GRID2: variants seen among roughly 807,000 people sequenced by gnomAD.
The protein encoded by GRID2 is glutamate ionotropic receptor delta type subunit 2, also known as glutamate receptor ionotropic, delta-2.
GRID2 carries 33 observed loss-of-function variants against 114.8 expected under a neutral mutation model. The ratio of observed to expected loss-of-function variants is 0.29; its 90% confidence interval spans 0.22 to 0.38. The LOEUF (loss-of-function observed/expected upper bound fraction) is 0.38, where lower values mean the gene tolerates loss of function less well. Among genes scored for constraint, GRID2 ranks in the 10% least tolerant of loss-of-function variants. The pLI is 1.00. For missense variants in GRID2, 1,184 were observed against 1,257.7 expected (o/e 0.94, Z 0.89); for synonymous variants, 505 against 449.9 (o/e 1.12, Z -1.55).
Position 93,238,471 on chromosome 4 carries a change from T to G in GRID2, c.1226T>G (p.Leu409Arg). Residue 409 changes from leucine (L) to arginine (R), a missense_variant, in exon 8 of 16, where the codon CTT (leucine) becomes CGT (arginine). This residue lies in a region of GRID2 where 717 missense variants were observed against 796.9 expected (regional missense o/e 0.90). Transcript: ENST00000282020. ...EILGTNYGEE[L>R]GRGVRKLGCW... ...CTTGGAACCAACTATGGAGAAGAGCTTGGCAGAGGTGTTCGAAAAGTAAGA... is the reference window on the plus strand; with the variant it reads ...CTTGGAACCAACTATGGAGAAGAGCGTGGCAGAGGTGTTCGAAAAGTAAGA... 6.2e-7 allele frequency: 1 copy of G among 1,610,052 alleles called. No homozygotes were observed. The highest frequency in any genetic ancestry group is 8.5e-7 in the Non-Finnish European group (1 of 1,177,016).
intron 2 of GRID2, among the ~76,000 whole-genome samples, chr4:92,757,669 T>G (rs1170759668): frequency 1.3e-5 from 2 of 151,740 alleles, no homozygotes. Context: ...TAAATTCAGC[T>G]CAAGAGCCAC....
intron 8 of GRID2, among the ~76,000 whole-genome samples, chr4:93,365,428 GT>G (rs998811351): frequency 2.5e-4 from 38 of 152,248 alleles, no homozygotes; most frequent in African/African-American, 8.7e-4. Context: ...CCATGTATAG[GT>G]TTTTGACAGA....
chr4:93,133,722 C>T (rs1016830418), intron 4 of GRID2, among the ~76,000 whole-genome samples: 1 of 152,042 alleles, frequency 6.6e-6, no homozygotes, highest in Non-Finnish European at 1.5e-5. Context: ...TGTCCTATTT[C>T]CCCTAATTAC....
intron 1 of GRID2, among the ~76,000 whole-genome samples, chr4:92,388,904 G>C (rs12386425): frequency 0.031 from 4,694 of 152,036 alleles, 242 homozygotes; most frequent in African/African-American, 0.11. Context: ...ATTAAAAAAA[G>C]GTTTTGTGGT....
chr4:92,880,147 C>T (rs1343668365), intron 2 of GRID2, among the ~76,000 whole-genome samples: 1 of 152,092 alleles, frequency 6.6e-6, no homozygotes, highest in African/African-American at 2.4e-5. Flanking sequence ...TATTCCCGTT[C>T]TGTGATAATG....
intron 13 of GRID2, among the ~76,000 whole-genome samples, chr4:93,612,309 A>G (rs1407909214): frequency 2.0e-5 from 3 of 150,988 alleles, no homozygotes; most frequent in Non-Finnish European, 3.0e-5. Context: ...TAGTCCATTT[A>G]CATTTAAAGT....
intron 1 of GRID2, among the ~76,000 whole-genome samples, chr4:92,333,662 G>C (rs993745098): frequency 2.6e-5 from 4 of 151,862 alleles, no homozygotes; most frequent in Non-Finnish European, 5.9e-5. Context: ...ACTATACATG[G>C]TTAAAACTAG....
chr4:93,071,602 A>G (rs952718250), intron 2 of GRID2, among the ~76,000 whole-genome samples: 2 of 152,138 alleles, frequency 1.3e-5, no homozygotes, highest in Non-Finnish European at 2.9e-5. Context: ...AATAAGATGA[A>G]GGAATATCTA....
At chr4:92,715,518 A>G (rs1057441695) in intron 2 of GRID2, among the ~76,000 whole-genome samples, 3 of 152,146 alleles carry the variant, frequency 2.0e-5, no homozygotes, top group East Asian at 1.9e-4. Context: ...GCTGATAAAG[A>G]CATACCCAAG....
At chr4:92,654,080 G>A (rs995075787) in intron 2 of GRID2, among the ~76,000 whole-genome samples, 1 of 152,050 alleles carries the variant, frequency 6.6e-6, no homozygotes, top group Non-Finnish European at 1.5e-5. Context: ...GGTAAATGCT[G>A]TATGTTTTAG....
At chr4:93,448,547 T>C (rs534867805) in intron 10 of GRID2, among the ~76,000 whole-genome samples, 2 of 152,044 alleles carry the variant, frequency 1.3e-5, no homozygotes, top group Admixed American at 1.3e-4. Context: ...GAAAACACTA[T>C]TAAGTTCCAT....
intron 1 of GRID2, among the ~76,000 whole-genome samples, chr4:92,451,393 A>G (rs1459383847): frequency 1.3e-5 from 2 of 152,304 alleles, no homozygotes; most frequent in East Asian, 3.9e-4. Context: ...GCTGAAGCCA[A>G]TATTTTGAAA....
chr4:93,079,943 A>G (rs1248917799), intron 2 of GRID2, among the ~76,000 whole-genome samples: 1 of 152,136 alleles, frequency 6.6e-6, no homozygotes, highest in Non-Finnish European at 1.5e-5. Flanking sequence ...CTGTATTTTC[A>G]CTTCCTAAGT....
intron 4 of GRID2, among the ~76,000 whole-genome samples, chr4:93,152,868 A>T (rs963461399): frequency 3.9e-5 from 6 of 152,100 alleles, no homozygotes; most frequent in Admixed American, 2.6e-4. Context: ...AGCATAGTTT[A>T]AAAAAATCCT....
At chr4:92,704,686 C>CCAAT (rs1221712965) in intron 2 of GRID2, among the ~76,000 whole-genome samples, 8 of 132,348 alleles carry the variant, frequency 6.0e-5, no homozygotes, top group South Asian at 2.5e-4. Context: ...TCTTTTCTCC[C>CCAAT]CAATCAATCA....
intron 11 of GRID2, among the ~76,000 whole-genome samples, chr4:93,458,918 G>T (rs1157504245): frequency 2.0e-5 from 3 of 152,066 alleles, no homozygotes. Flanking sequence ...GCCTGGCATG[G>T]TGGCACATGC....
chr4:92,917,468 T>A (rs1158862290), intron 2 of GRID2, among the ~76,000 whole-genome samples: 1 of 152,180 alleles, frequency 6.6e-6, no homozygotes, highest in East Asian at 1.9e-4. Context: ...TGCATAGGTT[T>A]TCGTCTAGGG....
intron 2 of GRID2, among the ~76,000 whole-genome samples, chr4:92,880,129 A>G (rs1560663960): frequency 1.3e-5 from 2 of 152,160 alleles, no homozygotes; most frequent in Non-Finnish European, 2.9e-5. Flanking sequence ...AACTCTGCAA[A>G]CTGTGTTTAT....
chr4:93,010,392 G>A lies in GRID2; in HGVS notation c.245-74603G>A, dbSNP rs565325546. Among the ~76,000 whole-genome samples, 20 of 151,932 alleles carry A rather than the reference G, an allele frequency of 1.3e-4. No homozygotes were observed. The South Asian group carries it at 1.7e-3, about 13-fold the overall frequency. On this transcript the variant is annotated intron_variant, in intron 2 of 15. Coordinates refer to ENST00000282020, the MANE Select transcript of GRID2 (RefSeq NM_001510.4). The stretch of plus-strand genomic sequence containing the variant: ...ATGGCTCACAGAACTTAGGAAAACC[G>A]TTTGCTTACTAGATTACGGGTTTAT...
Sources: gnomAD v4.1 joint callset for allele counts (sites outside exome capture counted in the v4.1 genomes callset) on GRCh38, gnomAD v4.1.1 for gene constraint, gnomAD v4.1.1 regional missense constraint, MANE v1.5 for transcripts, NCBI Gene and HGNC (gene_info 2026-07-23, HGNC 2026-07-21) for gene names.